The following UBE3D variants were observed in gnomAD, a reference collection of about 807,000 sequenced individuals.
UBE3D encodes the protein ubiquitin protein ligase E3D, also known as E3 ubiquitin-protein ligase E3D.
A neutral mutation model predicts 49.6 loss-of-function variants in UBE3D; 48 were observed. The ratio of observed to expected loss-of-function variants is 0.97; its 90% CI spans 0.77 to 1.23. UBE3D has a LOEUF of 1.23. Among genes scored for constraint, UBE3D ranks in the 50% most tolerant of loss-of-function variants. The probability of loss-of-function intolerance (pLI) is 0.00; values close to 1 mark genes in which losing one functional copy is unlikely to be tolerated. For synonymous variants in UBE3D, 189 were observed against 174.2 expected (o/e 1.08, Z -0.67); for missense variants, 452 against 468.4 (o/e 0.96, Z 0.32).
chr6:83,017,587 A>C (rs1309900541), intron 8 of UBE3D: 1 of 152,232 alleles, frequency 6.6e-6, no homozygotes, highest in Non-Finnish European at 1.5e-5. Context: ...CTTTAGAATC[A>C]CATCAGATAG....
At chr6:82,994,101 T>G (rs950424) in intron 8 of UBE3D, among the ~76,000 whole-genome samples, 1 of 152,184 alleles carries the variant, frequency 6.6e-6, no homozygotes, top group Non-Finnish European at 1.5e-5. Context: ...TAAACTTCTA[T>G]GTATGCATGT....
At chr6:82,893,772 G>T (rs538143179) in intron 9 of UBE3D, among the ~76,000 whole-genome samples, 1 of 152,282 alleles carries the variant, frequency 6.6e-6, no homozygotes, top group South Asian at 2.1e-4. Flanking sequence ...GTGAGCAACA[G>T]AAGTAAAAAC....
At chr6:82,886,045 G>T in the UBE3D span, among the ~76,000 whole-genome samples, 1 of 152,110 alleles carries the variant, frequency 6.6e-6, no homozygotes, top group Non-Finnish European at 1.5e-5. Flanking sequence ...AGTTTCTCTT[G>T]TGTGTTTTTT....
rs78871438 is a variant in UBE3D at position 83,001,885 on chromosome 6, C to T, written c.1010+17088G>A. On this transcript the variant is annotated intron_variant, in intron 8 of 9. Coordinates refer to ENST00000369747, the MANE Select transcript of UBE3D (RefSeq NM_198920.3). ...GATTCAAGCACAATCTGGTGAAACG[C>T]GTATCACAGAGATTCTTAAATATCA... is the stretch of plus-strand genomic sequence containing the variant. 5.1e-3 allele frequency among the ~76,000 whole-genome samples: 771 copies of T among 152,190 alleles called. 2 individuals are homozygous for T. The highest frequency in any genetic ancestry group is 8.3e-3 in the Non-Finnish European group (566 of 68,012).
Position 83,044,530 on chromosome 6 carries a change from G to A in UBE3D, c.495C>T (p.Asp165=). The part of the protein sequence containing the change: ...HPQENDCFIG[D]SFFLVNLRTS... ...TTCTTAAATTCACCAAGAAGAAAGA[G>A]TCTCCAATAAAACAGTCATTCTCTT... Residue 165 remains aspartate, a synonymous_variant, in exon 4 of 10, where the codon GAC becomes GAT. Transcript: ENST00000369747. The A allele has an allele frequency of 6.2e-7, 1 of 1,614,154 alleles. No individual in the cohort carries two copies. Among genetic ancestry groups the A allele is most frequent in the South Asian group, 1.1e-5 (1 of 91,084 alleles).
intron 9 of UBE3D, among the ~76,000 whole-genome samples, chr6:82,955,844 C>G (rs1288899926): frequency 6.6e-6 from 1 of 152,150 alleles, no homozygotes; most frequent in Non-Finnish European, 1.5e-5. Flanking sequence ...CCAATTCAAT[C>G]CATTGCTCCA....
chr6:82,881,666 G>GA, the UBE3D span, among the ~76,000 whole-genome samples: 4 of 151,926 alleles, frequency 2.6e-5, no homozygotes, highest in Non-Finnish European at 1.5e-5. Context: ...TTCCTCCTCT[G>GA]AAAAAAAGGC....
At chr6:82,993,010 C>CACAGTAT (rs755530123) in intron 8 of UBE3D, among the ~76,000 whole-genome samples, 9 of 151,906 alleles carry the variant, frequency 5.9e-5, no homozygotes, top group Non-Finnish European at 1.3e-4. Flanking sequence ...TGCGGACCTA[C>CACAGTAT]CACCTAACAC....
intron 5 of UBE3D, among the ~76,000 whole-genome samples, chr6:83,033,580 T>C (rs979875193): frequency 6.6e-6 from 1 of 152,066 alleles, no homozygotes; most frequent in African/African-American, 2.4e-5. Flanking sequence ...ATCCACTAGT[T>C]TAAAAGTGTG....
chr6:82,946,579 C>T (rs1422136332), intron 9 of UBE3D, among the ~76,000 whole-genome samples: 1 of 151,986 alleles, frequency 6.6e-6, no homozygotes, highest in Non-Finnish European at 1.5e-5. Flanking sequence ...ACAAAACTCA[C>T]CAGCAAAAAT....
At chr6:82,899,164 C>T (rs1771548103) in intron 9 of UBE3D, among the ~76,000 whole-genome samples, 1 of 152,122 alleles carries the variant, frequency 6.6e-6, no homozygotes, top group Admixed American at 6.5e-5. Flanking sequence ...TTGGCACACA[C>T]TTGATCCCCC....
intron 4 of UBE3D, among the ~76,000 whole-genome samples, chr6:83,043,235 TCTA>T (rs1782796171): frequency 6.6e-6 from 1 of 152,174 alleles, no homozygotes; most frequent in South Asian, 2.1e-4. Flanking sequence ...TCAATCTTTC[TCTA>T]CTACTTTTCT....
At chr6:82,917,302 G>C (rs1268771072) in intron 9 of UBE3D, among the ~76,000 whole-genome samples, 1 of 152,074 alleles carries the variant, frequency 6.6e-6, no homozygotes, top group Non-Finnish European at 1.5e-5. Context: ...GAACAGGAGG[G>C]GGAAGCCCCT....
At chr6:82,917,959 A>C (rs1349687073) in intron 9 of UBE3D, among the ~76,000 whole-genome samples, 2 of 151,980 alleles carry the variant, frequency 1.3e-5, no homozygotes, top group East Asian at 3.8e-4. Flanking sequence ...CTTAAACTCT[A>C]CTTCCTTTGA....
In UBE3D at chr6:83,038,417, T is replaced by C. The variant is rs1186451445; in HGVS notation, c.666A>G (p.Ser222=). ...GGCTTCTTGTTATGAAATTCTTACC[T>C]GATGACACGGTCTCTCCCAACATTA... ...CKVMLGETVS[S]ETTKFYMTEI... Residue 222 remains serine (S), a splice_region_variant and synonymous_variant, in exon 5 of 10, where the codon TCA becomes TCG. Transcript: ENST00000369747. 1 of 1,611,110 alleles carries C rather than the reference T, an allele frequency of 6.2e-7. No homozygotes were observed.
At chr6:83,031,166 C>T (rs1781842186) in intron 5 of UBE3D, among the ~76,000 whole-genome samples, 1 of 152,144 alleles carries the variant, frequency 6.6e-6, no homozygotes, top group Non-Finnish European at 1.5e-5. Flanking sequence ...CACCAATATG[C>T]CTGGCTAATA....
chr6:82,909,791 A>C (rs1426340406), intron 9 of UBE3D, among the ~76,000 whole-genome samples: 1 of 152,144 alleles, frequency 6.6e-6, no homozygotes, highest in Non-Finnish European at 1.5e-5. Context: ...CATTAGCTAA[A>C]TTCTTTTGGA....
chr6:83,004,703 T>C (rs77763306), intron 8 of UBE3D, among the ~76,000 whole-genome samples: 2,158 of 152,362 alleles, frequency 0.014, 56 homozygotes, highest in African/African-American at 0.049. Flanking sequence ...TAAGTTAGCA[T>C]AAATTGTTTT....
At chr6:83,047,055 A>C (rs1323716307) in intron 3 of UBE3D, among the ~76,000 whole-genome samples, 1 of 152,186 alleles carries the variant, frequency 6.6e-6, no homozygotes, top group Non-Finnish European at 1.5e-5. Context: ...ATGAGCTCTT[A>C]AATATTTGTT....
Sources: allele counts gnomAD v4.1 joint callset (sites outside exome capture counted in the v4.1 genomes callset), GRCh38; gene constraint gnomAD v4.1.1; transcripts MANE v1.5; gene names NCBI Gene and HGNC (gene_info 2026-07-23, HGNC 2026-07-21).